Variants in DTNA observed in about 807,000 individuals in gnomAD.
The protein encoded by DTNA is dystrophin-related protein 3.
Under a neutral mutation model 100.7 loss-of-function variants are expected in DTNA, and 43 were observed. The ratio of observed to expected loss-of-function variants is 0.43; its 90% CI spans 0.33 to 0.55. The LOEUF is 0.55. Among genes scored for constraint, DTNA ranks in the 20% least tolerant of loss-of-function variants. DTNA has a pLI of 0.04. For missense variants in DTNA, 798 were observed against 953.9 expected, an observed-to-expected ratio of 0.84 and a Z score of 2.15; for synonymous variants, 349 against 347.9, an observed-to-expected ratio of 1.00 and a Z score of -0.04.
chr18:34,650,702 C>T (rs977174323), intron 1 of DTNA, among the ~76,000 whole-genome samples: 3 of 152,112 alleles, frequency 2.0e-5, no homozygotes, highest in Non-Finnish European at 2.9e-5. Flanking sequence ...GATGTTCTGT[C>T]CTAATATTAG....
At chr18:34,635,414 T>TATATTTA (rs1217390970) in intron 1 of DTNA, among the ~76,000 whole-genome samples, 3 of 152,234 alleles carry the variant, frequency 2.0e-5, no homozygotes, top group African/African-American at 7.2e-5. Context: ...ATGGCAGTTC[T>TATATTTA]ATATTTAATA....
At chr18:34,511,572 G>A (rs919130641) in intron 1 of DTNA, among the ~76,000 whole-genome samples, 5 of 151,964 alleles carry the variant, frequency 3.3e-5, no homozygotes, top group Non-Finnish European at 5.9e-5. Flanking sequence ...GAAGAAGAAA[G>A]AAATGTGCAA....
chr18:34,639,104 G>A lies in DTNA; in HGVS notation c.-1-116872G>A, dbSNP rs566796656. On this transcript the variant is annotated intron_variant, in intron 1 of 19. Coordinates refer to the DTNA transcript ENST00000283365. ...GATCCACCTGCCTCGGCCTCCCAGA[G>A]TGTTGGGATTATAGGCGTGAGCCAC... Among the ~76,000 whole-genome samples, 8 of 152,340 alleles carry A rather than the reference G, an allele frequency of 5.3e-5. No homozygotes were observed. The South Asian group carries it at 1.7e-3, about 32-fold the overall frequency.
intron 1 of DTNA, among the ~76,000 whole-genome samples, chr18:34,652,544 C>T (rs1230379347): frequency 6.6e-6 from 1 of 152,200 alleles, no homozygotes; most frequent in Non-Finnish European, 1.5e-5. Context: ...ACATTGTGAG[C>T]TATCACCCTT....
intron 1 of DTNA, among the ~76,000 whole-genome samples, chr18:34,751,536 C>T (rs2092322215): frequency 6.6e-6 from 1 of 152,236 alleles, no homozygotes; most frequent in African/African-American, 2.4e-5. Context: ...AGTGTCTCCA[C>T]TCACACTTGC....
chr18:34,690,538 T>C (rs1349820794), intron 1 of DTNA, among the ~76,000 whole-genome samples: 3 of 152,206 alleles, frequency 2.0e-5, no homozygotes, highest in African/African-American at 7.2e-5. Context: ...ACCTGTTGCG[T>C]TGGTCTCACT....
chr18:34,538,222 C>T (rs914633004), intron 1 of DTNA, among the ~76,000 whole-genome samples: 6 of 152,028 alleles, frequency 3.9e-5, no homozygotes, highest in Admixed American at 1.3e-4. Context: ...AAATTGTTGA[C>T]GCAGATTCTC....
At chr18:34,836,443 G>A (rs560291204) in intron 11 of DTNA, among the ~76,000 whole-genome samples, 9 of 151,964 alleles carry the variant, frequency 5.9e-5, no homozygotes, top group Admixed American at 2.0e-4. Context: ...ACTTGAGGTC[G>A]GGAGTTCGAG....
intron 1 of DTNA, among the ~76,000 whole-genome samples, chr18:34,604,866 G>A (rs1345096183): frequency 6.6e-6 from 1 of 152,116 alleles, no homozygotes; most frequent in Admixed American, 6.6e-5. Flanking sequence ...ACACAATGTA[G>A]CTTCCCGAAA....
At chr18:34,610,839 G>A (rs146225230) in intron 1 of DTNA, among the ~76,000 whole-genome samples, 407 of 152,266 alleles carry the variant, frequency 2.7e-3, no homozygotes, top group African/African-American at 9.1e-3. Flanking sequence ...AAAAAGATTC[G>A]ATGAGATAAT....
At chr18:34,494,910 A>G (rs77248850) in intron 1 of DTNA, among the ~76,000 whole-genome samples, 1,741 of 150,762 alleles carry the variant, frequency 0.012, 36 homozygotes, top group African/African-American at 0.041. Context: ...TCTTTTGCTT[A>G]TTCCAAAGGT....
chr18:34,857,238 C>T (rs1034009512), intron 15 of DTNA, among the ~76,000 whole-genome samples: 4 of 152,202 alleles, frequency 2.6e-5, no homozygotes, highest in Admixed American at 6.5e-5. Flanking sequence ...ACCACACCCA[C>T]GAAATGTATA....
At chr18:34,714,655 C>T (rs1395423489) in intron 1 of DTNA, among the ~76,000 whole-genome samples, 1 of 151,616 alleles carries the variant, frequency 6.6e-6, no homozygotes, top group Non-Finnish European at 1.5e-5. Flanking sequence ...ACTAGTTCAA[C>T]CATTGTGGAA....
At chr18:34,808,405 C>T (rs1054395970) in intron 5 of DTNA, among the ~76,000 whole-genome samples, 4 of 152,178 alleles carry the variant, frequency 2.6e-5, no homozygotes, top group African/African-American at 9.7e-5. Flanking sequence ...ACCTAGGTGG[C>T]GTCTCAGACC....
Position 34,888,433 on chromosome 18 carries a change from A to G in DTNA, c.*699A>G. 1 of 985,796 alleles carries G rather than the reference A, an allele frequency of 1.0e-6. No homozygotes were observed. The highest frequency in any genetic ancestry group is 1.2e-6 in the Non-Finnish European group (1 of 829,930). The allele number at this position is 985,796 out of a possible 1,614,324, so 61.1% of individuals were successfully genotyped here. On this transcript the variant is annotated 3_prime_UTR_variant, in exon 23 of 23. Transcript: ENST00000444659. ...CTCTGTGAGCAGTGACTTGAACCAA[A>G]CACACCAGGAATAATCCATTCTTTG... is the stretch of plus-strand genomic sequence containing the variant.
intron 1 of DTNA, among the ~76,000 whole-genome samples, chr18:34,747,108 A>C (rs1221901676): frequency 5.5e-5 from 8 of 146,378 alleles, no homozygotes; most frequent in Admixed American, 2.0e-4. Context: ...CTGTATCTAT[A>C]TATATATATA....
chr18:34,882,718 A>G (rs1324661400), intron 21 of DTNA, among the ~76,000 whole-genome samples: 2 of 152,192 alleles, frequency 1.3e-5, no homozygotes, highest in African/African-American at 4.8e-5. Flanking sequence ...CTAGAAAGTG[A>G]TAAACAGCCT....
At chr18:34,657,032 A>G (rs1019107147) in intron 1 of DTNA, among the ~76,000 whole-genome samples, 1 of 152,022 alleles carries the variant, frequency 6.6e-6, no homozygotes. Flanking sequence ...GTGCACCACT[A>G]TGCATGGCTA....
chr18:34,816,097 G>T, intron 7 of DTNA, 83 bp downstream of exon 7: 1 of 1,381,928 alleles, frequency 7.2e-7, no homozygotes. Flanking sequence ...AGCCCAGGCT[G>T]TTGTTTTAGG....
Sources: gnomAD v4.1 joint callset for allele counts (sites outside exome capture counted in the v4.1 genomes callset) on GRCh38, gnomAD v4.1.1 for gene constraint, MANE v1.5 for transcripts, NCBI Gene and HGNC (gene_info 2026-07-23, HGNC 2026-07-21) for gene names.